The following CPNE4 variants were observed in gnomAD, a reference collection of about 807,000 sequenced individuals.
CPNE4 encodes copine-4.
CPNE4 carries 25 observed loss-of-function variants against 67.9 expected under a neutral mutation model. The ratio of observed to expected loss-of-function variants is 0.37; its 90% CI spans 0.27 to 0.51. The LOEUF (loss-of-function observed/expected upper bound fraction) is 0.51, where lower values mean the gene tolerates loss of function less well. CPNE4 is among the 20% of genes least tolerant of loss of function. CPNE4 has a pLI of 0.93. For missense variants in CPNE4, 464 were observed against 690.8 expected (o/e 0.67, Z 3.68); for synonymous variants, 242 against 244.9 (o/e 0.99, Z 0.11).
chr3:131,824,557 A>G (rs1273498123), intron 2 of CPNE4, among the ~76,000 whole-genome samples: 1 of 151,772 alleles, frequency 6.6e-6, no homozygotes, highest in African/African-American at 2.4e-5. Flanking sequence ...TCGGCGGTCT[A>G]TTGGTCTTTT....
chr3:132,029,285 C>T (rs7635595), intron 1 of CPNE4, among the ~76,000 whole-genome samples: 79,498 of 152,040 alleles, frequency 0.52, 21,260 homozygotes, highest in South Asian at 0.62. Flanking sequence ...CTGGAAGACA[C>T]CACCAGATGC....
chr3:131,750,398 T>C (rs2082595421), intron 2 of CPNE4, among the ~76,000 whole-genome samples: 1 of 152,162 alleles, frequency 6.6e-6, no homozygotes, highest in Admixed American at 6.6e-5. Flanking sequence ...CCTGCCATCC[T>C]ATGGGTTACT....
chr3:131,816,606 C>T (rs189799209), intron 2 of CPNE4, among the ~76,000 whole-genome samples: 2 of 152,230 alleles, frequency 1.3e-5, no homozygotes, highest in Admixed American at 1.3e-4. Context: ...CTAAACTGAC[C>T]TGAGATCTTC....
intron 1 of CPNE4, among the ~76,000 whole-genome samples, chr3:131,972,120 A>AG (rs1359992939): frequency 2.2e-5 from 3 of 139,148 alleles, no homozygotes; most frequent in East Asian, 2.0e-4. Context: ...TTAGAGAGAG[A>AG]GGGAAAAAAA....
chr3:131,711,801 G>A (rs529906615), intron 3 of CPNE4, among the ~76,000 whole-genome samples: 36 of 152,156 alleles, frequency 2.4e-4, no homozygotes, highest in Non-Finnish European at 4.0e-4. Flanking sequence ...CTTGAAATGA[G>A]GAGTCTAGAC....
intron 2 of CPNE4, among the ~76,000 whole-genome samples, chr3:131,870,924 G>A (rs1187361612): frequency 6.6e-6 from 1 of 152,134 alleles, no homozygotes; most frequent in African/African-American, 2.4e-5. Context: ...TCTTCTAGGT[G>A]AACACAAGCT....
intron 1 of CPNE4, among the ~76,000 whole-genome samples, chr3:131,974,274 C>T (rs140363264): frequency 6.6e-6 from 1 of 152,160 alleles, no homozygotes; most frequent in Non-Finnish European, 1.5e-5. Context: ...TGTAAAATGT[C>T]TTGTGCACAT....
At chr3:131,637,262 G>A (rs77539845) in intron 7 of CPNE4, among the ~76,000 whole-genome samples, 2,700 of 152,224 alleles carry the variant, frequency 0.018, 32 homozygotes, top group Non-Finnish European at 0.025. Context: ...CCAGAGAAAG[G>A]TAAAGTCGAA....
intron 2 of CPNE4, among the ~76,000 whole-genome samples, chr3:131,801,415 C>CGTGTGTGTGT (rs796117335): frequency 9.1e-5 from 6 of 66,084 alleles, no homozygotes; most frequent in South Asian, 5.6e-4. Context: ...TACATATATA[C>CGTGTGTGTGT]GTGTGTGTGT....
intron 2 of CPNE4, among the ~76,000 whole-genome samples, chr3:131,771,353 G>C (rs557534024): frequency 6.6e-6 from 1 of 151,968 alleles, no homozygotes; most frequent in Non-Finnish European, 1.5e-5. Flanking sequence ...GTTGAAACTC[G>C]ATCCGAATGT....
At chr3:131,694,178 A>T (rs1268536622) in intron 5 of CPNE4, among the ~76,000 whole-genome samples, 2 of 152,166 alleles carry the variant, frequency 1.3e-5, no homozygotes, top group Non-Finnish European at 2.9e-5. Context: ...AGTGACTTTC[A>T]TGATATTCAT....
intron 1 of CPNE4, among the ~76,000 whole-genome samples, chr3:131,967,724 A>G (rs1438218472): frequency 6.6e-6 from 1 of 152,208 alleles, no homozygotes; most frequent in Non-Finnish European, 1.5e-5. Flanking sequence ...ACAAATAGAA[A>G]AAATATTCCA....
chr3:131,826,767 T>G (rs991415776), intron 2 of CPNE4, among the ~76,000 whole-genome samples: 1 of 152,174 alleles, frequency 6.6e-6, no homozygotes, highest in Non-Finnish European at 1.5e-5. Flanking sequence ...CACAGTGGCT[T>G]ATGTCTGTAA....
At chr3:131,795,624 G>C (rs975375110) in intron 2 of CPNE4, among the ~76,000 whole-genome samples, 6 of 152,126 alleles carry the variant, frequency 3.9e-5, no homozygotes, top group Non-Finnish European at 8.8e-5. Flanking sequence ...CTATGAAGTG[G>C]TTCTGGCCAG....
intron 2 of CPNE4, among the ~76,000 whole-genome samples, chr3:131,731,480 G>A (rs1279467679): frequency 6.6e-6 from 1 of 152,178 alleles, no homozygotes; most frequent in Non-Finnish European, 1.5e-5. Context: ...TGCCACAGAA[G>A]CGTAGATCTC....
intron 2 of CPNE4, among the ~76,000 whole-genome samples, chr3:131,857,522 TG>T (rs1442349189): frequency 1.3e-5 from 2 of 151,868 alleles, no homozygotes; most frequent in Non-Finnish European, 1.5e-5. Context: ...AGCTTGACTT[TG>T]GGGGGATATT....
In CPNE4 at chr3:131,893,120, TA is replaced by T. The variant is rs546576953; in HGVS notation, c.180+12143del. On this transcript the variant is annotated intron_variant, in intron 2 of 15. Coordinates refer to ENST00000429747, the MANE Select transcript of CPNE4 (RefSeq NM_130808.3). ...CTCATTTTTAAAGGCAAACATAGAC[TA>T]AAAATGAAGGGATGAAAAAAGATAT... 4.7e-3 allele frequency among the ~76,000 whole-genome samples: 710 copies of T among 151,802 alleles called. 8 individuals are homozygous for T. The highest frequency in any genetic ancestry group is 0.015 in the African/African-American group (627 of 41,410).
intron 1 of CPNE4, among the ~76,000 whole-genome samples, chr3:131,927,170 A>G (rs2107821697): frequency 6.6e-6 from 1 of 152,334 alleles, no homozygotes; most frequent in South Asian, 2.1e-4. Context: ...TGGGTAAATT[A>G]AGATTCAAAG....
intron 2 of CPNE4, among the ~76,000 whole-genome samples, chr3:131,831,159 G>T (rs1408480988): frequency 6.6e-6 from 1 of 151,680 alleles, no homozygotes; most frequent in Non-Finnish European, 1.5e-5. Flanking sequence ...TTTTCTTTAT[G>T]GTGCAAGAAA....
Sources: allele counts gnomAD v4.1 joint callset (sites outside exome capture counted in the v4.1 genomes callset), GRCh38; gene constraint gnomAD v4.1.1; transcripts MANE v1.5; gene names NCBI Gene and HGNC (gene_info 2026-07-23, HGNC 2026-07-21).